Variants in PPP2R2D observed in about 807,000 individuals in gnomAD.
PPP2R2D encodes the protein protein phosphatase 2 regulatory subunit Bdelta.
In PPP2R2D, 9 loss-of-function variants were observed where a neutral mutation model predicts 31.1. The ratio of observed to expected loss-of-function variants is 0.29; its 90% CI spans 0.17 to 0.51. PPP2R2D has a LOEUF of 0.51. Ranked by LOEUF, PPP2R2D falls within the 20% of genes least tolerant of loss-of-function variation. PPP2R2D has a pLI of 0.98. For synonymous variants in PPP2R2D, 179 were observed against 172.6 expected (o/e 1.04, Z -0.29); for missense variants, 391 against 465.6 (o/e 0.84, Z 1.48).
intron 2 of PPP2R2D, chr10:131,911,950 G>A (rs1359694991): frequency 6.6e-6 from 1 of 152,302 alleles, no homozygotes; most frequent in African/African-American, 2.4e-5. Context: ...GAGAACAGCT[G>A]GATCAAGAGC....
chr10:131,961,780 AGGT>A (rs2036923318), downstream of PPP2R2D, among the ~76,000 whole-genome samples: 1 of 151,718 alleles, frequency 6.6e-6, no homozygotes, highest in East Asian at 1.9e-4. Flanking sequence ...TGGCCAGGGC[AGGT>A]GGTGGTGTCA....
intron 2 of PPP2R2D, among the ~76,000 whole-genome samples, chr10:131,918,491 G>T (rs1265319864): frequency 2.0e-5 from 3 of 149,530 alleles, no homozygotes; most frequent in Non-Finnish European, 4.5e-5. Context: ...GACCTCAGGC[G>T]GGTGGAATGA....
chr10:131,950,862 G>A (rs1554898699), intron 8 of PPP2R2D, among the ~76,000 whole-genome samples: 1 of 152,018 alleles, frequency 6.6e-6, no homozygotes, highest in Non-Finnish European at 1.5e-5. Flanking sequence ...TGGAAACAAG[G>A]GCTTCTTTAA....
intron 2 of PPP2R2D, among the ~76,000 whole-genome samples, chr10:131,916,789 G>C (rs577192604): frequency 6.6e-5 from 10 of 151,268 alleles, no homozygotes; most frequent in Non-Finnish European, 1.2e-4. Flanking sequence ...CCTCACGCAG[G>C]TGGAATGACA....
intron 8 of PPP2R2D, among the ~76,000 whole-genome samples, chr10:131,954,957 ATCAT>A (rs1395483421): frequency 6.6e-6 from 1 of 152,246 alleles, no homozygotes; most frequent in Non-Finnish European, 1.5e-5. Context: ...CAGCGTTTGC[ATCAT>A]TCAGCTATTT....
intron 3 of PPP2R2D, among the ~76,000 whole-genome samples, chr10:131,936,742 G>A (rs2036348155): frequency 6.6e-6 from 1 of 152,244 alleles, no homozygotes. Flanking sequence ...AAGTTGTTAT[G>A]TGAGTGACAG....
chr10:131,909,184 T>C lies in PPP2R2D; in HGVS notation c.100+7854T>C, dbSNP rs998455655. On this transcript the variant is annotated intron_variant, in intron 2 of 8. Coordinates refer to ENST00000455566, the MANE Select transcript of PPP2R2D (RefSeq NM_018461.5). ...ACAGAGCATGGTATGTTCTGAGAGG[T>C]CAGTGCTTGGCATGGTCCTCTGGCA... Among the ~76,000 whole-genome samples, 214 of 152,178 alleles carry C rather than the reference T, an allele frequency of 1.4e-3. 1 individual carries two copies. Among genetic ancestry groups the C allele is most frequent in the Admixed American group, 3.9e-3 (60 of 15,284 alleles).
chr10:131,910,935 G>A (rs1197572035), intron 2 of PPP2R2D, among the ~76,000 whole-genome samples: 6 of 152,174 alleles, frequency 3.9e-5, no homozygotes, highest in Admixed American at 2.0e-4. Flanking sequence ...TCTGGAGGGG[G>A]GCCCACCCAG....
intron 2 of PPP2R2D, among the ~76,000 whole-genome samples, chr10:131,923,494 T>G (rs1354208823): frequency 6.6e-6 from 1 of 152,206 alleles, no homozygotes; most frequent in Non-Finnish European, 1.5e-5. Context: ...ATATGGCAAC[T>G]GTGTTTAATG....
Position 131,945,559 on chromosome 10 carries a change from C to A in PPP2R2D, c.820+100C>A. ...ACGGCAAGCTCCGCCTCCCGGGTTC[C>A]AGCAAGTCTTCTGCCTCGGCCTCCC... is the stretch of plus-strand genomic sequence containing the variant. On this transcript the variant is annotated intron_variant, in intron 7 of 8. Transcript: ENST00000455566. The surrounding 1 kb of genome is among the most constrained non-coding windows in gnomAD (Gnocchi z 4.8). 7.2e-7 allele frequency: 1 copy of A among 1,397,154 alleles called. No homozygotes were observed. Among genetic ancestry groups the A allele is most frequent in the Non-Finnish European group, 9.6e-7 (1 of 1,038,544 alleles). 86.5% of individuals were successfully genotyped at this position (1,397,154 alleles called of 1,614,324 possible). A position where few individuals can be genotyped will look rare whatever the true frequency, so the allele number is the denominator to read the frequency against.
At chr10:131,960,243 A>G (rs1306254870), downstream of PPP2R2D, among the ~76,000 whole-genome samples, 3 of 152,204 alleles carry the variant, frequency 2.0e-5, no homozygotes, top group Non-Finnish European at 1.5e-5. Flanking sequence ...GTGCGGAGAA[A>G]ACTTCTCTTT....
intron 2 of PPP2R2D, among the ~76,000 whole-genome samples, chr10:131,925,559 C>G (rs12768547): frequency 7.9e-5 from 12 of 152,124 alleles, no homozygotes; most frequent in Admixed American, 3.9e-4. Flanking sequence ...TTCTTTCTGA[C>G]TTCTGTATTT....
rs2036561851 is a variant in PPP2R2D at position 131,947,375 on chromosome 10, A to G, written c.821-155A>G. On this transcript the variant is annotated intron_variant, in intron 7 of 8. Transcript: ENST00000455566. The surrounding 1 kb of genome is among the most constrained non-coding windows in gnomAD (Gnocchi z 4.3). ...TTGCCCACGGAAGTCACAGAAGATC[A>G]GAAAACCTAGAGAATCAGAAAGATC... 6.6e-6 allele frequency among the ~76,000 whole-genome samples: 1 copy of G among 152,226 alleles called. No individual in the cohort carries two copies. The highest frequency in any genetic ancestry group is 1.5e-5 in the Non-Finnish European group (1 of 68,044).
intron 2 of PPP2R2D, among the ~76,000 whole-genome samples, chr10:131,932,646 C>CACAAAAAAA (rs2036258352): frequency 1.7e-5 from 1 of 57,860 alleles, no homozygotes; most frequent in Admixed American, 2.5e-4. Context: ...CAGCCTGTCT[C>CACAAAAAAA]AAAAAAAAAA....
intron 8 of PPP2R2D, among the ~76,000 whole-genome samples, chr10:131,953,626 G>C (rs922330577): frequency 7.1e-6 from 1 of 141,720 alleles, no homozygotes; most frequent in Non-Finnish European, 1.5e-5. Context: ...TTAGTGACTT[G>C]CGGGTGTGCA....
In PPP2R2D at chr10:131,956,117, C is replaced by T. The variant is rs559509674; in HGVS notation, c.*154C>T. On this transcript the variant is annotated 3_prime_UTR_variant, in exon 9 of 9. Transcript: ENST00000455566. ...GGAGAAAGCCGCCTCCGCTGGAGGCCCGGTGTGGTTCCGCCTCGGCGAGGC... is the reference window on the plus strand; with the variant it reads ...GGAGAAAGCCGCCTCCGCTGGAGGCTCGGTGTGGTTCCGCCTCGGCGAGGC... The T allele has an allele frequency of 2.9e-5, 36 of 1,260,098 alleles. No individual in the cohort carries two copies. The Admixed American group carries it at 1.4e-3, about 48-fold the overall frequency. 78.1% of individuals were successfully genotyped at this position (1,260,098 alleles called of 1,614,324 possible).
intron 2 of PPP2R2D, among the ~76,000 whole-genome samples, chr10:131,927,677 A>T (rs2036132970): frequency 6.6e-6 from 1 of 152,270 alleles, no homozygotes; most frequent in South Asian, 2.1e-4. Flanking sequence ...CCCAGCTGGC[A>T]TCGCACATCG....
Position 131,945,093 on chromosome 10 carries a change from C to T in PPP2R2D, c.656-202C>T, listed in dbSNP as rs1328987731. Among the ~76,000 whole-genome samples the T allele has an allele frequency of 6.6e-6, 1 of 152,174 alleles. No homozygotes were observed. The highest frequency in any genetic ancestry group is 1.5e-5 in the Non-Finnish European group (1 of 68,030). ...GTCTGTGTCTCCCCCTGGGCCGGGG[C>T]GTTGCTGTAGTCTGAGTGTGCTCAT... On this transcript the variant is annotated intron_variant, in intron 6 of 8. Transcript: ENST00000455566. The surrounding 1 kb of genome is among the most constrained non-coding windows in gnomAD (Gnocchi z 4.8).
intron 8 of PPP2R2D, among the ~76,000 whole-genome samples, chr10:131,953,268 AG>A (rs1269031851): frequency 1.0e-5 from 1 of 96,100 alleles, no homozygotes; most frequent in Non-Finnish European, 1.9e-5. Context: ...TCCCTGTCTT[AG>A]CAGTGACTTG....
Sources: gnomAD v4.1 joint callset for allele counts (sites outside exome capture counted in the v4.1 genomes callset) on GRCh38, gnomAD v4.1.1 for gene constraint, Gnocchi (gnomAD v3.1) non-coding constraint, MANE v1.5 for transcripts, NCBI Gene and HGNC (gene_info 2026-07-23, HGNC 2026-07-21) for gene names.